ATF6B: variants seen among roughly 807,000 people sequenced by gnomAD.
The protein encoded by ATF6B is activating transcription factor 6 beta.
In ATF6B, 50 loss-of-function variants were observed where a neutral mutation model predicts 83.5. The ratio of observed to expected loss-of-function variants is 0.60; its 90% CI spans 0.48 to 0.76. The LOEUF is 0.76. Among genes scored for constraint, ATF6B ranks in the 30% least tolerant of loss-of-function variants. The pLI, the probability that ATF6B is intolerant of heterozygous loss-of-function variation, is 0.00. For missense variants in ATF6B, 790 were observed against 893.8 expected (o/e 0.88, Z 1.48); for synonymous variants, 344 against 362.8 (o/e 0.95, Z 0.59).
At chr6:32,120,694 G>A (rs1341613024) in intron 8 of ATF6B, 77 bp downstream of exon 8, 16 of 1,517,700 alleles carry the variant, frequency 1.1e-5, no homozygotes, top group African/African-American at 2.8e-5. Context: ...CAGGTGATTC[G>A]CCCGCCTCAG....
At chr6:32,126,471 T>C (rs1781985455) in intron 4 of ATF6B, among the ~76,000 whole-genome samples, 1 of 152,256 alleles carries the variant, frequency 6.6e-6, no homozygotes, top group Non-Finnish European at 1.5e-5. Context: ...ACTTCAAATA[T>C]GGCCTCAGAG....
chr6:32,123,475 G>A (rs995217456), intron 5 of ATF6B, among the ~76,000 whole-genome samples: 3 of 151,944 alleles, frequency 2.0e-5, no homozygotes, highest in African/African-American at 7.3e-5. Flanking sequence ...TGCAAGCTCC[G>A]CCTCCCGGGT....
At position 32,121,127 on chromosome 6, in the gene ATF6B, A is replaced by G; in HGVS notation, c.565-3T>C. The G allele has an allele frequency of 6.3e-7, 1 of 1,592,450 alleles. No homozygotes were observed. Among genetic ancestry groups the G allele is most frequent in the Non-Finnish European group, 8.6e-7 (1 of 1,169,094 alleles). On this transcript the variant is annotated splice_region_variant and splice_polypyrimidine_tract_variant and intron_variant, in intron 6 of 17. Coordinates refer to ENST00000375203, the MANE Select transcript of ATF6B (RefSeq NM_004381.5). ...AGGACCTCCTCTCCTATAAAAGCCT[A>G]TGTGGGGCATTCCAGAGATACATTA...
intron 1 of ATF6B, 133 bp downstream of exon 1, chr6:32,127,984 C>T (rs1782059534): frequency 9.0e-7 from 1 of 1,113,798 alleles, no homozygotes; most frequent in African/African-American, 1.5e-5. Flanking sequence ...TAATGCACAA[C>T]GAGCCCCCTG....
Position 32,121,276 on chromosome 6 carries a change from T to A in ATF6B, c.551A>T (p.Asp184Val). ...VNSEASLLSA[D>V]SSSQAFIGEE... ...GGTGGTGCTCACCTGGCTGGAGGAG[T>A]CGGCTGAGAGCAGGGAGGCCTCAGA... The change falls in exon 6 of 18, where the codon GAC becomes GTC. Residue 184 changes from aspartate to valine, a missense_variant. Physicochemically the swap from Asp to Val is radical, Grantham distance 152. Coordinates refer to ENST00000375203, the MANE Select transcript of ATF6B (RefSeq NM_004381.5). 5 of 1,613,500 alleles carry A rather than the reference T, an allele frequency of 3.1e-6. No homozygotes were observed. The highest frequency in any genetic ancestry group is 4.2e-6 in the Non-Finnish European group (5 of 1,179,854).
Position 32,118,938 on chromosome 6 carries a change from G to GGAATGCTCTAAT in ATF6B, c.1152+17_1152+18insATTAGAGCATTC. 2 of 1,614,062 alleles carry GGAATGCTCTAAT rather than the reference G, an allele frequency of 1.2e-6. No homozygotes were observed. The highest frequency in any genetic ancestry group is 1.6e-4 in the Middle Eastern group (1 of 6,062). On this transcript the variant is annotated intron_variant, in intron 10 of 17. Transcript: ENST00000375203. The surrounding 1 kb of genome is among the most constrained non-coding windows in gnomAD (Gnocchi z 5.2). ...AGGCTGTATTCCTGTTGGTCTCCCAGGGACAGACTGGTCTTACTTCAGCCA... is the reference window on the plus strand; with the variant it reads ...AGGCTGTATTCCTGTTGGTCTCCCAGGAATGCTCTAATGGACAGACTGGTCTTACTTCAGCCA...
rs940021900 is a variant in ATF6B at position 32,125,973 on chromosome 6, C to T, written c.478+144G>A. 2.5e-4 allele frequency: 307 copies of T among 1,237,996 alleles called. 1 individual carries two copies. The highest frequency in any genetic ancestry group is 2.0e-3 in the Admixed American group (85 of 43,376). The allele number at this position is 1,237,996 out of a possible 1,614,324, so 76.7% of individuals were successfully genotyped here. On this transcript the variant is annotated intron_variant, in intron 5 of 17. Transcript: ENST00000375203. This position sits in a 1 kb window ranked among gnomAD's most constrained non-coding sequence, Gnocchi z 4.1. ...GTTTCCTCTCCTTCCTGCCTTCCCT[C>T]CTGGTTTTCTGCCATTTCCCCTCCC...
At position 32,115,913 on chromosome 6, in the gene ATF6B, C is replaced by G. The variant is rs142646433; in HGVS notation, c.1938G>C (p.Glu646Asp). The change falls in exon 18 of 18, where the codon GAG (glutamate) becomes GAC (aspartate). Residue 646 changes from glutamate (E) to aspartate (D), a missense_variant. By Grantham distance (45) the Glu-to-Asp change is conservative (BLOSUM62 2). This residue lies in a region of ATF6B where 530 missense variants were observed against 632.6 expected (regional missense o/e 0.84). Coordinates refer to ENST00000375203, the MANE Select transcript of ATF6B (RefSeq NM_004381.5). ...PGDYEEMMQI[E>D]CEVMDTRVIH... ...TCACCCTGGTGTCCATGACCTCACA[C>G]TCGATCTGCATCATCTCCTCATAGT... 2 of 1,614,160 alleles carry G rather than the reference C, an allele frequency of 1.2e-6. No homozygotes were observed. The highest frequency in any genetic ancestry group is 1.7e-6 in the Non-Finnish European group (2 of 1,180,020).
rs204888 is a variant in ATF6B, at chr6:32,121,365, G to T, written c.479-17C>A. On this transcript the variant is annotated splice_polypyrimidine_tract_variant and intron_variant, in intron 5 of 17. Transcript: ENST00000375203. ...TCTGGACATCTGTGGGAGGCAGGATGAGGCAAAAGCTGGATATCATGTAAA... is the reference window on the plus strand; with the variant it reads ...TCTGGACATCTGTGGGAGGCAGGATTAGGCAAAAGCTGGATATCATGTAAA... 151,991 of 1,608,246 alleles carry T rather than the reference G, an allele frequency of 0.095. 11,149 individuals are homozygous for T. The highest frequency in any genetic ancestry group is 0.33 in the South Asian group (30,275 of 90,860).
Position 32,127,452 on chromosome 6 carries a change from C to G in ATF6B, c.240G>C (p.Pro80=). 1 of 1,612,028 alleles carries G rather than the reference C, an allele frequency of 6.2e-7. No homozygotes were observed. The highest frequency in any genetic ancestry group is 8.5e-7 in the Non-Finnish European group (1 of 1,178,760). ...SPSEPPWELL[P]IFPDLQVKSE... Reference sequence around the variant, plus strand: ...CAAAGACTACCTTACCTGGGAAGATCGGCAGGAGTTCCCATGGGGGCTCAG... The same window carrying G: ...CAAAGACTACCTTACCTGGGAAGATGGGCAGGAGTTCCCATGGGGGCTCAG... The change falls in exon 3 of 18, where the codon CCG becomes CCC. Residue 80 remains proline (P), a synonymous_variant. Coordinates refer to ENST00000375203, the MANE Select transcript of ATF6B (RefSeq NM_004381.5).
rs1781930698 is a variant in ATF6B at position 32,125,464 on chromosome 6, T to C, written c.478+653A>G. The stretch of plus-strand genomic sequence containing the variant: ...TATGGTGTTCTAGCCTTTCTGTATG[T>C]TTAAAAATGTTTATGGGCTGGGCGC... On this transcript the variant is annotated intron_variant, in intron 5 of 17. Transcript: ENST00000375203. The surrounding 1 kb of genome is among the most constrained non-coding windows in gnomAD (Gnocchi z 4.1). Among the ~76,000 whole-genome samples, 2 of 152,140 alleles carry C rather than the reference T, an allele frequency of 1.3e-5. No individual in the cohort carries two copies. The highest frequency in any genetic ancestry group is 2.9e-5 in the Non-Finnish European group (2 of 68,026).
rs1353719326 is a variant in ATF6B at position 32,117,173 on chromosome 6, CT to C, written c.1615-67del. ...GAAAAGGGAAAGAGACAAACAGCCC[CT>C]GGAAGCTGATGCCACCTCCCACTCA... On this transcript the variant is annotated intron_variant, in intron 14 of 17. Coordinates refer to ENST00000375203, the MANE Select transcript of ATF6B (RefSeq NM_004381.5). This position sits in a 1 kb window ranked among gnomAD's most constrained non-coding sequence, Gnocchi z 5.0. The C allele has an allele frequency of 6.4e-7, 1 of 1,574,158 alleles. No individual in the cohort carries two copies. Among genetic ancestry groups the C allele is most frequent in the Non-Finnish European group, 8.7e-7 (1 of 1,148,386 alleles).
intron 8 of ATF6B, 165 bp downstream of exon 8, chr6:32,120,606 A>T: frequency 1.3e-6 from 1 of 776,412 alleles, no homozygotes. Flanking sequence ...GCCTGCCACC[A>T]CTCCACGCTA....
Position 32,118,744 on chromosome 6 carries a change from G to A in ATF6B, c.1244+31C>T, listed in dbSNP as rs369647664. The A allele has an allele frequency of 3.1e-6, 5 of 1,606,086 alleles. No homozygotes were observed. The highest frequency in any genetic ancestry group is 3.4e-6 in the Non-Finnish European group (4 of 1,172,790). On this transcript the variant is annotated intron_variant, in intron 11 of 17. Coordinates refer to ENST00000375203, the MANE Select transcript of ATF6B (RefSeq NM_004381.5). The surrounding 1 kb of genome is among the most constrained non-coding windows in gnomAD (Gnocchi z 5.2). ...GAGGCTGTAACGTGGGCTCCACCTG[G>A]AAGGTTCTAGTGAAGCAAGGAAGGT...
chr6:32,117,851 C>CT lies in ATF6B; in HGVS notation c.1424+7dup. 6.4e-7 allele frequency: 1 copy of CT among 1,560,066 alleles called. No individual in the cohort carries two copies. The highest frequency in any genetic ancestry group is 1.2e-5 in the South Asian group (1 of 80,764). ...AAACGAGAGGGGGCCCTCTCTCTCT[C>CT]TCCTCACCTGAAACTGGGCTGGTCT... is the stretch of plus-strand genomic sequence containing the variant. On this transcript the variant is annotated splice_region_variant and intron_variant, in intron 12 of 17. Transcript: ENST00000375203. This position sits in a 1 kb window ranked among gnomAD's most constrained non-coding sequence, Gnocchi z 5.0.
In ATF6B at chr6:32,119,073, C is replaced by T. The variant is rs780260253; in HGVS notation, c.1035G>A (p.Lys345=). Residue 345 remains lysine (K), a synonymous_variant, in exon 10 of 18, where the codon AAG becomes AAA. Coordinates refer to ENST00000375203, the MANE Select transcript of ATF6B (RefSeq NM_004381.5). This position sits in a 1 kb window ranked among gnomAD's most constrained non-coding sequence, Gnocchi z 4.9. ...NRESACQSRR[K]KKEYLQGLEA... is the part of the protein sequence containing the mutation. ...CCAGTCCCTGCAGATACTCTTTCTT[C>T]TTTCTCCGGGACTGGCAGGCTGACT... 6.2e-7 allele frequency: 1 copy of T among 1,614,018 alleles called. No individual in the cohort carries two copies. The highest frequency in any genetic ancestry group is 1.1e-5 in the South Asian group (1 of 91,058).
intron 3 of ATF6B, 88 bp downstream of exon 3, chr6:32,127,354 G>A (rs546404665): frequency 5.5e-6 from 8 of 1,457,096 alleles, no homozygotes; most frequent in African/African-American, 1.4e-5. Context: ...GTAGAAGCGT[G>A]AGGATATAGG....
chr6:32,118,018 G>C lies in ATF6B; in HGVS notation c.1265C>G (p.Ala422Gly), dbSNP rs142351949. The C allele has an allele frequency of 1.9e-6, 3 of 1,614,184 alleles. No homozygotes were observed. Among genetic ancestry groups the C allele is most frequent in the Non-Finnish European group, 2.5e-6 (3 of 1,180,038 alleles). Residue 422 changes from alanine to glycine, a missense_variant, in exon 12 of 18, where the codon GCT (alanine) becomes GGT (glycine). Ala to Gly is a moderately conservative substitution (Grantham distance 60, BLOSUM62 0). Around this residue, in one of 3 missense-constraint regions of ATF6B, gnomAD observed 530 missense variants for 632.6 expected, o/e 0.84. Coordinates refer to ENST00000375203, the MANE Select transcript of ATF6B (RefSeq NM_004381.5). This position sits in a 1 kb window ranked among gnomAD's most constrained non-coding sequence, Gnocchi z 5.2. ...CTTGTTCATCCGAGGAGAGATGGGA[G>C]CTGAAGGAGGCTCACTGATGCTGTG... Reference protein sequence around the residue: ...GPVSISEPPSAPISPRMNKGE... With the variant: ...GPVSISEPPSGPISPRMNKGE...
At position 32,118,819 on chromosome 6, in the gene ATF6B, G is replaced by T; in HGVS notation, c.1200C>A (p.Ile400=). 6.2e-7 allele frequency: 1 copy of T among 1,614,264 alleles called. No individual in the cohort carries two copies. Among genetic ancestry groups the T allele is most frequent in the South Asian group, 1.1e-5 (1 of 91,090 alleles). Reference sequence around the variant, plus strand: ...AGGCAATGAAGAGAAGGAAGACCATGATGCAGACCACCTTCCTGTTTCCAG... The same window carrying T: ...AGGCAATGAAGAGAAGGAAGACCATTATGCAGACCACCTTCCTGTTTCCAG... ...LGSGNRKVVC[I]MVFLLFIAFN... The change falls in exon 11 of 18, where the codon ATC becomes ATA. Residue 400 remains isoleucine (I), a synonymous_variant. Transcript: ENST00000375203. This position sits in a 1 kb window ranked among gnomAD's most constrained non-coding sequence, Gnocchi z 5.2.
Sources: gnomAD v4.1 joint callset for allele counts (sites outside exome capture counted in the v4.1 genomes callset) on GRCh38, gnomAD v4.1.1 for gene constraint, gnomAD v4.1.1 regional missense constraint, Gnocchi (gnomAD v3.1) non-coding constraint, MANE v1.5 for transcripts, NCBI Gene and HGNC (gene_info 2026-07-23, HGNC 2026-07-21) for gene names.